MLIP: variants seen among roughly 807,000 people sequenced by gnomAD.
MLIP encodes the protein muscular LMNA interacting protein, also known as muscular LMNA-interacting protein.
Under a neutral mutation model 84.8 loss-of-function variants are expected in MLIP, and 79 were observed. That is an observed-to-expected ratio of 0.93 (90% CI 0.78 to 1.12). The LOEUF (loss-of-function observed/expected upper bound fraction) is 1.12, where lower values mean the gene tolerates loss of function less well. MLIP is among the 50% of genes most tolerant of loss of function. The probability of loss-of-function intolerance (pLI) is 0.00; values close to 1 mark genes in which losing one functional copy is unlikely to be tolerated. For synonymous variants in MLIP, 504 were observed against 463.0 expected (o/e 1.09, Z -1.14); for missense variants, 1,257 against 1,160.6 (o/e 1.08, Z -1.21).
intron 9 of MLIP, among the ~76,000 whole-genome samples, chr6:54,179,239 A>G (rs1776605424): frequency 6.6e-6 from 1 of 152,120 alleles, no homozygotes; most frequent in South Asian, 2.1e-4. Flanking sequence ...TGGTTTTCAT[A>G]GGCATGGAAT....
chr6:54,210,221 G>A (rs1203613489), intron 11 of MLIP, among the ~76,000 whole-genome samples: 25 of 152,346 alleles, frequency 1.6e-4, no homozygotes, highest in African/African-American at 6.0e-4. Context: ...ATACGTTTCA[G>A]TTCTTTCATG....
At chr6:54,076,105 A>G (rs1766788248) in intron 1 of MLIP, among the ~76,000 whole-genome samples, 1 of 152,190 alleles carries the variant, frequency 6.6e-6, no homozygotes, top group Non-Finnish European at 1.5e-5. Flanking sequence ...AAGCATCAGT[A>G]TGGTATGTTT....
At chr6:54,030,723 T>C (rs1396566629) in intron 1 of MLIP, 2 of 152,200 alleles carry the variant, frequency 1.3e-5, no homozygotes, top group East Asian at 3.8e-4. Flanking sequence ...CTAAAAAATA[T>C]GCAGTCTCAT....
In MLIP at chr6:54,056,790, AT is replaced by A. The variant is rs770679172; in HGVS notation, c.63+37701del. On this transcript the variant is annotated intron_variant, in intron 1 of 12. Transcript: ENST00000274897. ...GAAGAAGGTTTAAAAAGTATTTTCA[AT>A]TGAAGGAAGAAAGAAAAGAATTTTC... Among the ~76,000 whole-genome samples, 3 of 152,310 alleles carry A rather than the reference AT, an allele frequency of 2.0e-5. No homozygotes were observed. The South Asian group carries it at 6.2e-4, about 32-fold the overall frequency.
chr6:54,081,658 C>A (rs947430661), intron 1 of MLIP, among the ~76,000 whole-genome samples: 5 of 152,076 alleles, frequency 3.3e-5, no homozygotes, highest in Non-Finnish European at 7.4e-5. Context: ...GGTGATCCAC[C>A]CGCCCCGGCC....
chr6:54,176,840 G>C (rs1488031618), intron 9 of MLIP, among the ~76,000 whole-genome samples: 1 of 152,054 alleles, frequency 6.6e-6, no homozygotes. Context: ...CATGGTACTA[G>C]TACAAAAACA....
intron 1 of MLIP, among the ~76,000 whole-genome samples, chr6:54,089,832 C>T (rs1417150841): frequency 6.6e-6 from 1 of 152,076 alleles, no homozygotes; most frequent in Non-Finnish European, 1.5e-5. Flanking sequence ...GGTACTATAA[C>T]AAAATTAGGC....
intron 9 of MLIP, among the ~76,000 whole-genome samples, chr6:54,174,707 C>G (rs1776107770): frequency 6.6e-6 from 1 of 151,354 alleles, no homozygotes; most frequent in African/African-American, 2.4e-5. Context: ...TATCCCTTCA[C>G]TTTATTGATT....
intron 11 of MLIP, among the ~76,000 whole-genome samples, chr6:54,224,410 A>G (rs955229969): frequency 1.3e-5 from 2 of 151,444 alleles, no homozygotes; most frequent in Non-Finnish European, 2.9e-5. Flanking sequence ...ACCAATTACC[A>G]AAAGAAAAAC....
intron 11 of MLIP, among the ~76,000 whole-genome samples, chr6:54,226,354 C>A (rs1289174310): frequency 6.6e-6 from 1 of 152,156 alleles, no homozygotes; most frequent in Non-Finnish European, 1.5e-5. Context: ...TCTCAGAACA[C>A]TTGTAGCCAG....
intron 1 of MLIP, among the ~76,000 whole-genome samples, chr6:54,034,922 T>A (rs2150290214): frequency 6.6e-6 from 1 of 152,298 alleles, no homozygotes; most frequent in Non-Finnish European, 1.5e-5. Flanking sequence ...TGCCATTTTT[T>A]ATCTTTTATA....
At chr6:54,087,816 CTT>C (rs3996980) in intron 1 of MLIP, among the ~76,000 whole-genome samples, 6 of 149,146 alleles carry the variant, frequency 4.0e-5, no homozygotes, top group South Asian at 2.1e-4. Context: ...GAAAGATACT[CTT>C]TTTTTTTTTT....
At chr6:54,074,259 A>G (rs1454925623) in intron 1 of MLIP, among the ~76,000 whole-genome samples, 4 of 152,204 alleles carry the variant, frequency 2.6e-5, no homozygotes, top group Non-Finnish European at 5.9e-5. Context: ...TCAGCCCTGG[A>G]ACCTGCCTAC....
chr6:54,039,788 C>T lies in MLIP; in HGVS notation c.63+20697C>T, dbSNP rs542345932. 3.9e-5 allele frequency among the ~76,000 whole-genome samples: 6 copies of T among 151,990 alleles called. No homozygotes were observed. In the East Asian group the frequency reaches 1.2e-3, roughly 29 times the overall value. On this transcript the variant is annotated intron_variant, in intron 1 of 12. Coordinates refer to the MLIP transcript ENST00000274897. ...AAGCAAGCATCATCTATGTTGATTTCTTTGCATGTTTTCTGTGTTGTACTG... is the reference window on the plus strand; with the variant it reads ...AAGCAAGCATCATCTATGTTGATTTTTTTGCATGTTTTCTGTGTTGTACTG...
intron 3 of MLIP, among the ~76,000 whole-genome samples, chr6:54,136,506 T>G (rs1771807010): frequency 6.6e-6 from 1 of 152,226 alleles, no homozygotes; most frequent in South Asian, 2.1e-4. Flanking sequence ...AAATGAGGTA[T>G]AGGATGTAAT....
rs543998064 is a variant in MLIP at position 54,080,747 on chromosome 6, A to G, written c.64-40700A>G. On this transcript the variant is annotated intron_variant, in intron 1 of 12. Transcript: ENST00000274897. ...ATATATTTAATATTTAATCTATAAAATACACTATATAAATATTATATATCT... is the reference window on the plus strand; with the variant it reads ...ATATATTTAATATTTAATCTATAAAGTACACTATATAAATATTATATATCT... Among the ~76,000 whole-genome samples the G allele has an allele frequency of 4.5e-3, 667 of 148,490 alleles. 2 individuals are homozygous for G. The highest frequency in any genetic ancestry group is 0.016 in the South Asian group (78 of 4,776).
chr6:54,123,729 A>C (rs1770666479), intron 2 of MLIP, among the ~76,000 whole-genome samples: 1 of 152,250 alleles, frequency 6.6e-6, no homozygotes, highest in Non-Finnish European at 1.5e-5. Flanking sequence ...AATAAAAATA[A>C]GAAAATTAAC....
At chr6:54,207,582 G>A (rs940044502) in intron 11 of MLIP, among the ~76,000 whole-genome samples, 5 of 152,030 alleles carry the variant, frequency 3.3e-5, no homozygotes, top group Non-Finnish European at 7.4e-5. Flanking sequence ...ATCTTAAAGA[G>A]ATTTTTATTT....
intron 5 of MLIP, among the ~76,000 whole-genome samples, chr6:54,159,099 G>A (rs2150557684): frequency 6.6e-6 from 1 of 152,012 alleles, no homozygotes; most frequent in African/African-American, 2.4e-5. Flanking sequence ...TTTTTATAGA[G>A]ATGGGATCTC....
Sources: allele counts gnomAD v4.1 joint callset (sites outside exome capture counted in the v4.1 genomes callset), GRCh38; gene constraint gnomAD v4.1.1; transcripts MANE v1.5; gene names NCBI Gene and HGNC (gene_info 2026-07-23, HGNC 2026-07-21).